TUSC3: variants seen among roughly 807,000 people sequenced by gnomAD.
TUSC3 encodes tumor suppressor candidate 3.
A neutral mutation model predicts 44.8 loss-of-function variants in TUSC3; 45 were observed. The ratio of observed to expected loss-of-function variants is 1.00; its 90% CI spans 0.79 to 1.29. TUSC3 has a LOEUF of 1.29. Among genes scored for constraint, TUSC3 ranks in the 50% most tolerant of loss-of-function variants. The pLI, the probability that TUSC3 is intolerant of heterozygous loss-of-function variation, is 0.00. For missense variants in TUSC3, 519 were observed against 437.9 expected, an observed-to-expected ratio of 1.19 and a Z score of -1.65; for synonymous variants, 212 against 152.9, an observed-to-expected ratio of 1.39 and a Z score of -2.85.
At chr8:15,659,977 T>G (rs1807346944) in intron 4 of TUSC3, among the ~76,000 whole-genome samples, 1 of 152,196 alleles carries the variant, frequency 6.6e-6, no homozygotes, top group East Asian at 1.9e-4. Flanking sequence ...ATTTTTAATC[T>G]ATCTTTTGGT....
chr8:15,725,022 C>CATT (rs1389017822), intron 6 of TUSC3, among the ~76,000 whole-genome samples: 1 of 152,164 alleles, frequency 6.6e-6, no homozygotes, highest in East Asian at 1.9e-4. Context: ...TCATCCAACA[C>CATT]TGTCAAATCT....
the TUSC3 span, among the ~76,000 whole-genome samples, chr8:15,822,027 G>C: frequency 6.6e-6 from 1 of 152,124 alleles, no homozygotes; most frequent in Admixed American, 6.6e-5. Flanking sequence ...ATAAGATGTA[G>C]CCATTTTCTA....
In TUSC3 at chr8:15,485,081, G is replaced by A. The variant is rs114616869; in HGVS notation, n.189+1598G>A. On this transcript the variant is annotated intron_variant and non_coding_transcript_variant, in intron 2 of 5. Transcript: ENST00000503191. Reference sequence around the variant, plus strand: ...ATTTTTCATTTGCACTTTCAGTCAAGAAATATTTCTGAGTTCCTTGAAAGT... The same window carrying A: ...ATTTTTCATTTGCACTTTCAGTCAAAAAATATTTCTGAGTTCCTTGAAAGT... 3.2e-3 allele frequency among the ~76,000 whole-genome samples: 491 copies of A among 152,234 alleles called. 1 individual carries two copies. Among genetic ancestry groups the A allele is most frequent in the African/African-American group, 0.011 (477 of 41,522 alleles).
chr8:15,802,609 C>A, the TUSC3 span, among the ~76,000 whole-genome samples: 1 of 151,902 alleles, frequency 6.6e-6, no homozygotes, highest in African/African-American at 2.4e-5. Flanking sequence ...CCTCATTTTT[C>A]CTCAAGAGGG....
the TUSC3 span, among the ~76,000 whole-genome samples, chr8:15,781,222 G>A: frequency 6.6e-6 from 1 of 152,200 alleles, no homozygotes; most frequent in Non-Finnish European, 1.5e-5. Context: ...TGGGTGCAGA[G>A]AGAATGGAAA....
chr8:15,448,993 C>G (rs1307121034), intron 1 of TUSC3, among the ~76,000 whole-genome samples: 3 of 152,100 alleles, frequency 2.0e-5, no homozygotes, highest in Admixed American at 2.0e-4. Flanking sequence ...ATAGTAGTGT[C>G]TAGTAATGTC....
At chr8:15,733,357 T>C in intron 7 of TUSC3, 1 of 391,590 alleles carries the variant, frequency 2.6e-6, no homozygotes, top group African/African-American at 2.2e-5. Flanking sequence ...TTTTGTTTTT[T>C]TTTTTTTCCT....
chr8:15,576,284 T>TTTTTTTTAA (rs1803108540), intron 1 of TUSC3, among the ~76,000 whole-genome samples: 1 of 141,666 alleles, frequency 7.1e-6, no homozygotes, highest in Non-Finnish European at 1.6e-5. Flanking sequence ...CTCTTGTTTT[T>TTTTTTTTAA]TTTTTTTATT....
chr8:15,449,716 G>T lies in TUSC3; in HGVS notation n.91+32411G>T, dbSNP rs117063275. ...GCAAGGAGTCCTTTCAGTCTGCTGG[G>T]GGCTTAGAAATTAATTTTTATTTTT... On this transcript the variant is annotated intron_variant and non_coding_transcript_variant, in intron 1 of 5. Coordinates refer to the TUSC3 transcript ENST00000503191. 3.9e-5 allele frequency among the ~76,000 whole-genome samples: 6 copies of T among 152,190 alleles called. No homozygotes were observed. In the East Asian group the frequency reaches 1.2e-3, roughly 29 times the overall value.
At chr8:15,440,652 A>T (rs1800008712) in intron 1 of TUSC3, among the ~76,000 whole-genome samples, 1 of 152,144 alleles carries the variant, frequency 6.6e-6, no homozygotes, top group South Asian at 2.1e-4. Context: ...TTTTTCCTCT[A>T]TTTTAAACAA....
intron 1 of TUSC3, among the ~76,000 whole-genome samples, chr8:15,545,963 A>G (rs960955869): frequency 1.6e-4 from 24 of 151,792 alleles, no homozygotes; most frequent in East Asian, 2.0e-4. Context: ...GCTCATCTCC[A>G]TAAGAATTCC....
intron 2 of TUSC3, among the ~76,000 whole-genome samples, chr8:15,640,565 TC>T (rs1474273752): frequency 1.3e-5 from 2 of 152,204 alleles, no homozygotes; most frequent in Non-Finnish European, 2.9e-5. Context: ...ATTTAGTTTT[TC>T]AGATCTGTAG....
intron 3 of TUSC3, among the ~76,000 whole-genome samples, chr8:15,653,317 A>G (rs985701878): frequency 6.6e-6 from 1 of 152,186 alleles, no homozygotes; most frequent in East Asian, 1.9e-4. Context: ...AAAGACCTAA[A>G]TAAAAATTTT....
intron 9 of TUSC3, among the ~76,000 whole-genome samples, chr8:15,754,579 C>CT (rs1459170717): frequency 5.3e-5 from 8 of 151,950 alleles, no homozygotes; most frequent in African/African-American, 1.9e-4. Flanking sequence ...ACACCTTCTA[C>CT]TTTTTTTCCT....
At chr8:15,581,667 C>T (rs1421060429) in intron 1 of TUSC3, among the ~76,000 whole-genome samples, 1 of 149,088 alleles carries the variant, frequency 6.7e-6, no homozygotes, top group African/African-American at 2.5e-5. Context: ...AGGAGGCAGT[C>T]TGCCCGTTCT....
intron 2 of TUSC3, among the ~76,000 whole-genome samples, chr8:15,496,382 C>T (rs1431692643): frequency 6.6e-6 from 1 of 152,130 alleles, no homozygotes; most frequent in African/African-American, 2.4e-5. Flanking sequence ...GTGCTGTCTC[C>T]TAGGGTCCTT....
chr8:15,741,323 G>A (rs1277690933), intron 7 of TUSC3, among the ~76,000 whole-genome samples: 2 of 152,140 alleles, frequency 1.3e-5, no homozygotes, highest in Non-Finnish European at 2.9e-5. Flanking sequence ...TGAGGAAGCT[G>A]CTTATTAGAT....
At chr8:15,829,724 T>C in the TUSC3 span, among the ~76,000 whole-genome samples, 1 of 152,140 alleles carries the variant, frequency 6.6e-6, no homozygotes, top group Admixed American at 6.5e-5. Context: ...TCTAATTTTC[T>C]CTAGTTCTGT....
the TUSC3 span, among the ~76,000 whole-genome samples, chr8:15,804,619 A>G: frequency 1.3e-5 from 2 of 152,188 alleles, no homozygotes; most frequent in Non-Finnish European, 2.9e-5. Flanking sequence ...TCTGTCAAAG[A>G]TAAGATGGCT....
Sources: allele counts gnomAD v4.1 joint callset (sites outside exome capture counted in the v4.1 genomes callset), GRCh38; gene constraint gnomAD v4.1.1; transcripts MANE v1.5; gene names NCBI Gene and HGNC (gene_info 2026-07-23, HGNC 2026-07-21).